The following SFXN3 variants were observed in gnomAD, a reference collection of about 807,000 sequenced individuals.
SFXN3 encodes sideroflexin-3.
Under a neutral mutation model 40.4 loss-of-function variants are expected in SFXN3, and 31 were observed. The ratio of observed to expected loss-of-function variants is 0.77; its 90% CI spans 0.58 to 1.04. The LOEUF (loss-of-function observed/expected upper bound fraction) is 1.04, where lower values mean the gene tolerates loss of function less well. Ranked by LOEUF, SFXN3 falls within the 50% of genes least tolerant of loss-of-function variation. The probability of loss-of-function intolerance (pLI) is 0.00; values close to 1 mark genes in which losing one functional copy is unlikely to be tolerated. For synonymous variants in SFXN3, 157 were observed against 160.0 expected (o/e 0.98, Z 0.14); for missense variants, 366 against 408.2 (o/e 0.90, Z 0.89).
intron 9 of SFXN3, 200 bp from the exon 10 acceptor site, chr10:101,038,443 T>G: frequency 6.9e-7 from 1 of 1,439,386 alleles, no homozygotes; most frequent in Non-Finnish European, 9.1e-7. Flanking sequence ...CCGGGGAGGG[T>G]GATCAGCAGA....
At chr10:101,038,595 T>A in intron 9 of SFXN3, 48 bp from the exon 10 acceptor site, 4 of 1,613,642 alleles carry the variant, frequency 2.5e-6, no homozygotes, top group Non-Finnish European at 3.4e-6. Flanking sequence ...GGGGTGACAG[T>A]GAGGCAGGGG....
At chr10:101,031,471 C>G (rs1324694815) in exon 1 of SFXN3, 11 of 152,404 alleles carry the variant, frequency 7.2e-5, no homozygotes, top group Non-Finnish European at 1.6e-4. Flanking sequence ...CGTGGAGGGA[C>G]GTCACGGGGC....
chr10:101,038,759 T>C, intron 10 of SFXN3, 67 bp downstream of exon 10: 1 of 1,599,466 alleles, frequency 6.3e-7, no homozygotes, highest in Non-Finnish European at 8.5e-7. Context: ...TGGGTGGGTA[T>C]GGATTGTCTT....
At chr10:101,031,848 G>T (rs1216642821) in intron 1 of SFXN3, among the ~76,000 whole-genome samples, 1 of 152,140 alleles carries the variant, frequency 6.6e-6, no homozygotes, top group Admixed American at 6.5e-5. Context: ...CAGGGAGAGG[G>T]CTGGGGACAT....
chr10:101,036,112 G>A lies in SFXN3; in HGVS notation c.431+11G>A. 14 of 1,605,042 alleles carry A rather than the reference G, an allele frequency of 8.7e-6. No individual in the cohort carries two copies. Among genetic ancestry groups the A allele is most frequent in the Non-Finnish European group, 1.0e-5 (12 of 1,172,442 alleles). The stretch of plus-strand genomic sequence containing the variant: ...TCCCATCACTGTGAGGTGAGAGCCA[G>A]CCCCCAGCAGCAGCTGCACTGTCCC... On this transcript the variant is annotated intron_variant, in intron 5 of 11. Transcript: ENST00000393459. The surrounding 1 kb of genome is among the most constrained non-coding windows in gnomAD (Gnocchi z 4.2).
rs184783122 is a variant in SFXN3 at position 101,041,000 on chromosome 10, G to A, written c.*1415G>A. 551 of 151,018 alleles carry A rather than the reference G, an allele frequency of 3.6e-3. 1 individual carries two copies. The highest frequency in any genetic ancestry group is 5.7e-3 in the Non-Finnish European group (384 of 67,864). The allele number at this position is 151,018 out of a possible 1,614,324, so 9.4% of individuals were successfully genotyped here. Reference sequence around the variant, plus strand: ...CCACCCCCTGGAAGAGGAAGGGCCCGGGCATCAGTGGCTAGTCCAAATAAA... The same window carrying A: ...CCACCCCCTGGAAGAGGAAGGGCCCAGGCATCAGTGGCTAGTCCAAATAAA... On this transcript the variant is annotated 3_prime_UTR_variant, in exon 12 of 12. Transcript: ENST00000393459.
exon 4 of SFXN3, chr10:101,035,549 T>C (rs1403386906): frequency 6.2e-7 from 1 of 1,613,466 alleles, no homozygotes. Flanking sequence ...GAGGGCCAAG[T>C]ATGTGTATGA....
rs11812236 is a variant in SFXN3 at position 101,033,287 on chromosome 10, T to C, written c.-4+805T>C. On this transcript the variant is annotated intron_variant, in intron 2 of 11. Coordinates refer to ENST00000393459, the Ensembl canonical transcript of SFXN3. Reference sequence around the variant, plus strand: ...TAAAGCTCACCTGAGCATGGGTGTGTAATATATATATTATATATTCTTGTG... The same window carrying C: ...TAAAGCTCACCTGAGCATGGGTGTGCAATATATATATTATATATTCTTGTG... Among the ~76,000 whole-genome samples the C allele has an allele frequency of 8.5e-3, 1,295 of 152,280 alleles. 20 individuals carry two copies. Among genetic ancestry groups the C allele is most frequent in the African/African-American group, 0.03 (1,256 of 41,540 alleles).
In SFXN3 at chr10:101,037,438, G is replaced by T; in HGVS notation, c.771+7G>T. On this transcript the variant is annotated splice_region_variant and intron_variant, in intron 9 of 11. Coordinates refer to ENST00000393459, the Ensembl canonical transcript of SFXN3. ...GAAGAAAGACTTCCTGAAGGTAGGC[G>T]ACTGTACCTCTCTTGTCCTGGAATG... The T allele has an allele frequency of 1.2e-6, 2 of 1,614,160 alleles. No individual in the cohort carries two copies. Among genetic ancestry groups the T allele is most frequent in the African/African-American group, 2.7e-5 (2 of 75,036 alleles).
chr10:101,041,119 CAGGGCAGATGAA>C (rs1380643439), exon 12 of SFXN3: 1 of 152,256 alleles, frequency 6.6e-6, no homozygotes, highest in African/African-American at 2.4e-5. Flanking sequence ...GTGGGTGGGG[CAGGGCAGATGAA>C]AGGGCTTCAG....
At chr10:101,037,454 T>A in intron 9 of SFXN3, 23 bp downstream of exon 9, 1 of 1,614,178 alleles carries the variant, frequency 6.2e-7, no homozygotes, top group Non-Finnish European at 8.5e-7. Context: ...ACCTCTCTTG[T>A]CCTGGAATGG....
Position 101,039,779 on chromosome 10 carries a change from G to C in SFXN3, c.*194G>C, listed in dbSNP as rs1384534110. 1.7e-6 allele frequency: 1 copy of C among 605,392 alleles called. No homozygotes were observed. The highest frequency in any genetic ancestry group is 3.0e-6 in the Non-Finnish European group (1 of 338,316). The allele number at this position is 605,392 out of a possible 1,614,324, so 37.5% of individuals were successfully genotyped here. A position where few individuals can be genotyped will look rare whatever the true frequency, so the allele number is the denominator to read the frequency against. ...TTTTCCTCCCTTCTCTGGTTTCAAAGATCAGAGCACATAACCCCTCCTGTG... is the reference window on the plus strand; with the variant it reads ...TTTTCCTCCCTTCTCTGGTTTCAAACATCAGAGCACATAACCCCTCCTGTG... On this transcript the variant is annotated 3_prime_UTR_variant, in exon 12 of 12. Coordinates refer to ENST00000393459, the Ensembl canonical transcript of SFXN3. This position sits in a 1 kb window ranked among gnomAD's most constrained non-coding sequence, Gnocchi z 4.6.
chr10:101,033,078 C>T (rs762021300), intron 2 of SFXN3, among the ~76,000 whole-genome samples: 32 of 152,120 alleles, frequency 2.1e-4, no homozygotes, highest in African/African-American at 6.8e-4. Flanking sequence ...AGGACTTGTG[C>T]GTGCCCACAT....
chr10:101,041,199 T>C (rs1393112974), exon 12 of SFXN3: 1 of 152,182 alleles, frequency 6.6e-6, no homozygotes, highest in Non-Finnish European at 1.5e-5. Context: ...AGTGATAACA[T>C]CTGTGAAGCC....
Position 101,038,709 on chromosome 10 carries a change from T to A in SFXN3, c.821+17T>A, listed in dbSNP as rs769621350. On this transcript the variant is annotated intron_variant, in intron 10 of 11. Coordinates refer to ENST00000393459, the Ensembl canonical transcript of SFXN3. ...GGGCTTCTGGTAAGTGTGCAAGGAG[T>A]TAGCTGGGGTGTGTGGGAGTGCCTT... 3.1e-6 allele frequency: 5 copies of A among 1,607,676 alleles called. No individual in the cohort carries two copies. Among genetic ancestry groups the A allele is most frequent in the Non-Finnish European group, 3.4e-6 (4 of 1,179,884 alleles).
At chr10:101,035,567 T>C in exon 4 of SFXN3, 1 of 1,614,100 alleles carries the variant, frequency 6.2e-7, no homozygotes, top group Non-Finnish European at 8.5e-7. Context: ...TGACTCCGCC[T>C]TCCATCCGGA....
In SFXN3 at chr10:101,031,541, TGTGA is replaced by T. The variant is rs1348401302; in HGVS notation, c.-173+10_-173+13del. 6.6e-6 allele frequency: 1 copy of T among 152,478 alleles called. No individual in the cohort carries two copies. The highest frequency in any genetic ancestry group is 1.5e-5 in the Non-Finnish European group (1 of 68,212). 9.4% of individuals were successfully genotyped at this position (152,478 alleles called of 1,614,324 possible). ...TGCTCTGTGTGGTGGCTGGGTGAGT[TGTGA>T]GTATGTGCGTGGCGGAGGGGGTGCC... On this transcript the variant is annotated splice_region_variant and intron_variant, in intron 1 of 11. Coordinates refer to ENST00000393459, the Ensembl canonical transcript of SFXN3.
rs778596836 is a variant in SFXN3 at position 101,037,040 on chromosome 10, G to A, written c.594-36G>A. 3 of 1,611,066 alleles carry A rather than the reference G, an allele frequency of 1.9e-6. No individual in the cohort carries two copies. The South Asian group carries it at 3.3e-5, about 18-fold the overall frequency. On this transcript the variant is annotated intron_variant, in intron 7 of 11. Transcript: ENST00000393459. ...TTCGGGCATTGCAGGTGGGATCCGG[G>A]GCCTGTGATCTGACCCCAACCCCCC... is the stretch of plus-strand genomic sequence containing the variant.
chr10:101,032,990 T>C (rs1938387929), intron 2 of SFXN3, among the ~76,000 whole-genome samples: 1 of 152,150 alleles, frequency 6.6e-6, no homozygotes, highest in Non-Finnish European at 1.5e-5. Flanking sequence ...TGAGTGTCTG[T>C]GCCAGCCCTG....
Sources: gnomAD v4.1 joint callset for allele counts (sites outside exome capture counted in the v4.1 genomes callset) on GRCh38, gnomAD v4.1.1 for gene constraint, Gnocchi (gnomAD v3.1) non-coding constraint, MANE v1.5 for transcripts, NCBI Gene and HGNC (gene_info 2026-07-23, HGNC 2026-07-21) for gene names.